KDM2B: variants seen among roughly 807,000 people sequenced by gnomAD.
KDM2B encodes lysine-specific demethylase 2B.
In KDM2B, 26 loss-of-function variants were observed where a neutral mutation model predicts 150.0. The ratio of observed to expected loss-of-function variants is 0.17; its 90% confidence interval spans 0.13 to 0.24. KDM2B has a LOEUF of 0.24. Among genes scored for constraint, KDM2B ranks in the 10% least tolerant of loss-of-function variants. The probability of loss-of-function intolerance (pLI) is 1.00; values close to 1 mark genes in which losing one functional copy is unlikely to be tolerated. For missense variants in KDM2B, 1,265 were observed against 1,816.9 expected, an observed-to-expected ratio of 0.70 and a Z score of 5.52; for synonymous variants, 734 against 729.5, an observed-to-expected ratio of 1.01 and a Z score of -0.10.
At chr12:121,440,711 T>C in intron 21 of KDM2B, 105 bp downstream of exon 21, 3 of 1,125,904 alleles carry the variant, frequency 2.7e-6, no homozygotes, top group Non-Finnish European at 3.8e-6. Context: ...CAGAGACTCA[T>C]CCCTATGTCC....
rs1392976747 is a variant in KDM2B, at chr12:121,442,135, C to T, written c.3284+22G>A. 6.2e-7 allele frequency: 1 copy of T among 1,606,952 alleles called. No individual in the cohort carries two copies. Among genetic ancestry groups the T allele is most frequent in the African/African-American group, 1.3e-5 (1 of 74,762 alleles). ...GTGCCGCCTGAGCCTTAACCTAGAG[C>T]CCTACACAGGCCGCCGCTCACCAGC... On this transcript the variant is annotated intron_variant, in intron 19 of 22. Coordinates refer to ENST00000377071, the MANE Select transcript of KDM2B (RefSeq NM_032590.5). The surrounding 1 kb of genome is among the most constrained non-coding windows in gnomAD (Gnocchi z 7.7).
At chr12:121,529,629 C>A (rs576888277) in intron 8 of KDM2B, among the ~76,000 whole-genome samples, 1 of 151,944 alleles carries the variant, frequency 6.6e-6, no homozygotes, top group South Asian at 2.1e-4. Context: ...CTGGGGAGGA[C>A]CTAAAATACT....
rs1875696643 is a variant in KDM2B at position 121,444,090 on chromosome 12, CAGA to C, written c.2370_2372del (p.Leu791del). The C allele has an allele frequency of 6.2e-7, 1 of 1,613,798 alleles. No homozygotes were observed. Among genetic ancestry groups the C allele is most frequent in the South Asian group, 1.1e-5 (1 of 91,088 alleles). ...GGTGCACGTCGTCAGACTTTCTGCG[CAGA>C]AGGCCGTCCGGCGGCACCTTCTTCG... On this transcript the variant is annotated inframe_deletion, in exon 16 of 23. Coordinates refer to ENST00000377071, the MANE Select transcript of KDM2B (RefSeq NM_032590.5).
intron 4 of KDM2B, among the ~76,000 whole-genome samples, chr12:121,571,653 A>ATT (rs113925677): frequency 3.7e-5 from 5 of 134,170 alleles, no homozygotes; most frequent in South Asian, 4.8e-4. Context: ...TATGATCTCA[A>ATT]TTTTTTTTTT....
chr12:121,546,987 G>A (rs782693964), intron 6 of KDM2B, among the ~76,000 whole-genome samples: 1 of 151,904 alleles, frequency 6.6e-6, no homozygotes, highest in East Asian at 1.9e-4. Flanking sequence ...GTGACCCACC[G>A]CACCTGGCCT....
At chr12:121,449,946 T>C (rs1555291182) in intron 13 of KDM2B, among the ~76,000 whole-genome samples, 1 of 152,164 alleles carries the variant, frequency 6.6e-6, no homozygotes, top group Non-Finnish European at 1.5e-5. Flanking sequence ...AAGAAAATCC[T>C]TGCTAACCAG....
At chr12:121,439,380 CTTTTTTTTT>C (rs530764831) in intron 22 of KDM2B, among the ~76,000 whole-genome samples, 1 of 129,572 alleles carries the variant, frequency 7.7e-6, no homozygotes, top group African/African-American at 2.8e-5. Context: ...CCAATGGTAA[CTTTTTTTTT>C]TTTTTTTTTT....
In KDM2B at chr12:121,453,881, G is replaced by T. The variant is rs781896255; in HGVS notation, c.1735-537C>A. 6.6e-6 allele frequency among the ~76,000 whole-genome samples: 1 copy of T among 152,156 alleles called. No individual in the cohort carries two copies. Among genetic ancestry groups the T allele is most frequent in the Non-Finnish European group, 1.5e-5 (1 of 68,014 alleles). ...CGACAGAGGGCGCGTGCTTCTTGCCGCAGCACACAGCTCGAGACCTTCCAT... is the reference window on the plus strand; with the variant it reads ...CGACAGAGGGCGCGTGCTTCTTGCCTCAGCACACAGCTCGAGACCTTCCAT... On this transcript the variant is annotated intron_variant, in intron 12 of 22. Transcript: ENST00000377071. The surrounding 1 kb of genome is among the most constrained non-coding windows in gnomAD (Gnocchi z 6.4).
At chr12:121,477,312 A>G (rs545210865) in intron 12 of KDM2B, among the ~76,000 whole-genome samples, 17 of 152,144 alleles carry the variant, frequency 1.1e-4, no homozygotes, top group Admixed American at 4.6e-4. Flanking sequence ...GGTATTGTAA[A>G]AATACCTTTC....
rs1289766083 is a variant in KDM2B, at chr12:121,537,140, C to T, written c.684-2550G>A. Reference sequence around the variant, plus strand: ...TTTCCTGGCCGCCAAGCCTGGCCGCCCCTCCCACCCCGCGATCGCAGGCAT... The same window carrying T: ...TTTCCTGGCCGCCAAGCCTGGCCGCTCCTCCCACCCCGCGATCGCAGGCAT... On this transcript the variant is annotated intron_variant, in intron 6 of 22. Transcript: ENST00000377071. The surrounding 1 kb of genome is among the most constrained non-coding windows in gnomAD (Gnocchi z 8.7). Among the ~76,000 whole-genome samples the T allele has an allele frequency of 1.3e-5, 2 of 152,316 alleles. No homozygotes were observed. The highest frequency in any genetic ancestry group is 4.8e-5 in the African/African-American group (2 of 41,582).
rs71079072 is a variant in KDM2B, at chr12:121,480,932, GTT to G, written c.1734+13645_1734+13646del. On this transcript the variant is annotated intron_variant, in intron 12 of 22. Coordinates refer to ENST00000377071, the MANE Select transcript of KDM2B (RefSeq NM_032590.5). Reference sequence around the variant, plus strand: ...ATAAGTGAGAGGTGTTTTTTTTGTTGTTTTTTTTTTTTTGAGATGGAGTCTCG... The same window carrying G: ...ATAAGTGAGAGGTGTTTTTTTTGTTGTTTTTTTTTTTGAGATGGAGTCTCG... 5.9e-5 allele frequency among the ~76,000 whole-genome samples: 8 copies of G among 135,392 alleles called. 1 individual carries two copies. Among genetic ancestry groups the G allele is most frequent in the Admixed American group, 7.5e-5 (1 of 13,310 alleles). The allele number at this position is 135,392 out of a possible 152,430, so 88.8% of individuals were successfully genotyped here.
intron 22 of KDM2B, among the ~76,000 whole-genome samples, chr12:121,433,804 T>A (rs571403255): frequency 6.6e-6 from 1 of 152,168 alleles, no homozygotes; most frequent in Non-Finnish European, 1.5e-5. Flanking sequence ...TGAGCTAATC[T>A]GAAGCTGAGG....
the KDM2B span, among the ~76,000 whole-genome samples, chr12:121,412,576 G>C: frequency 6.6e-5 from 10 of 151,730 alleles, no homozygotes; most frequent in East Asian, 1.9e-3. Flanking sequence ...ATGGGGTTTT[G>C]CCATGTTGGT....
At chr12:121,574,421 C>G in intron 4 of KDM2B, 126 bp downstream of exon 4, 3 of 836,472 alleles carry the variant, frequency 3.6e-6, no homozygotes, top group Non-Finnish European at 5.9e-6. Flanking sequence ...CACACCTGCT[C>G]CTGCCTTCTC....
At chr12:121,455,822 C>G (rs1878144826) in intron 12 of KDM2B, among the ~76,000 whole-genome samples, 1 of 152,236 alleles carries the variant, frequency 6.6e-6, no homozygotes, top group African/African-American at 2.4e-5. Flanking sequence ...ACACTACACA[C>G]ATCCATCCGA....
intron 22 of KDM2B, among the ~76,000 whole-genome samples, chr12:121,437,440 A>G (rs1874194342): frequency 6.6e-6 from 1 of 152,144 alleles, no homozygotes; most frequent in African/African-American, 2.4e-5. Flanking sequence ...GTGGGAGGGA[A>G]GGATACAACA....
At position 121,430,244 on chromosome 12, in the gene KDM2B, T is replaced by C. The variant is rs1257004849; in HGVS notation, c.*44A>G. 5.6e-6 allele frequency: 9 copies of C among 1,613,990 alleles called. No individual in the cohort carries two copies. The highest frequency in any genetic ancestry group is 2.2e-5 in the East Asian group (1 of 44,884). On this transcript the variant is annotated 3_prime_UTR_variant, in exon 23 of 23. Transcript: ENST00000377071. The surrounding 1 kb of genome is among the most constrained non-coding windows in gnomAD (Gnocchi z 4.4). ...AAAGCCCTCATTTTTGTAAAGTCTC[T>C]CCCCTCCCAGAGCCCGCCCCGTATT...
chr12:121,572,980 T>A lies in KDM2B; in HGVS notation c.397+1567A>T, dbSNP rs1412304146. Among the ~76,000 whole-genome samples, 9 of 151,012 alleles carry A rather than the reference T, an allele frequency of 6.0e-5. No homozygotes were observed. The South Asian group carries it at 1.9e-3, about 32-fold the overall frequency. On this transcript the variant is annotated intron_variant, in intron 4 of 22. Coordinates refer to ENST00000377071, the MANE Select transcript of KDM2B (RefSeq NM_032590.5). ...AGCTGGGACTACAGGCGCCTGCCAC[T>A]ACGCCCGGCTAATTTTTGTATTTTC...
intron 22 of KDM2B, among the ~76,000 whole-genome samples, chr12:121,435,982 C>T (rs1555286661): frequency 6.6e-6 from 1 of 152,138 alleles, no homozygotes; most frequent in Admixed American, 6.5e-5. Context: ...AGGCCACTGA[C>T]AGCATTTGAA....
Sources: allele counts gnomAD v4.1 joint callset (sites outside exome capture counted in the v4.1 genomes callset), GRCh38; gene constraint gnomAD v4.1.1; non-coding constraint Gnocchi (gnomAD v3.1); transcripts MANE v1.5; gene names NCBI Gene and HGNC (gene_info 2026-07-23, HGNC 2026-07-21).